Variants in CDH11 observed in about 807,000 individuals in gnomAD.
CDH11 encodes cadherin 11.
CDH11 carries 11 observed loss-of-function variants against 67.8 expected under a neutral mutation model. That is an observed-to-expected ratio of 0.16 (90% confidence interval 0.10 to 0.27). The LOEUF is 0.27. Ranked by LOEUF, CDH11 falls within the 10% of genes least tolerant of loss-of-function variation. CDH11 has a pLI of 1.00. For synonymous variants in CDH11, 419 were observed against 400.0 expected, an observed-to-expected ratio of 1.05 and a Z score of -0.57; for missense variants, 847 against 1,031.2, an observed-to-expected ratio of 0.82 and a Z score of 2.45.
intron 2 of CDH11, among the ~76,000 whole-genome samples, chr16:65,020,849 G>C (rs1241774894): frequency 1.3e-5 from 2 of 152,048 alleles, no homozygotes; most frequent in South Asian, 4.2e-4. Context: ...TCAGTTTTTA[G>C]GTTTTTCTTA....
rs150921898 is a variant in CDH11 at position 65,029,417 on chromosome 16, A to C, written c.-172-24376T>G. Among the ~76,000 whole-genome samples, 339 of 152,312 alleles carry C rather than the reference A, an allele frequency of 2.2e-3. 3 individuals are homozygous for C. Among genetic ancestry groups the C allele is most frequent in the African/African-American group, 7.5e-3 (311 of 41,566 alleles). On this transcript the variant is annotated intron_variant, in intron 2 of 12. Coordinates refer to ENST00000268603, the MANE Select transcript of CDH11 (RefSeq NM_001797.4). ...TCTTTCAAATAATTACAAATTAAAA[A>C]CTTGGCTCTGAGACTGAACTTTGAG...
rs182060476 is a variant in CDH11, at chr16:64,969,070, T to C, written c.1642+2509A>G. Among the ~76,000 whole-genome samples, 565 of 152,282 alleles carry C rather than the reference T, an allele frequency of 3.7e-3. 5 individuals are homozygous for C. The highest frequency in any genetic ancestry group is 0.013 in the African/African-American group (537 of 41,564). ...GTAGCTCAACAGTGGTATTAGTCTC[T>C]TATAGGAGAGGGCAGGGGAGATGAA... On this transcript the variant is annotated intron_variant, in intron 11 of 12. Coordinates refer to ENST00000268603, the MANE Select transcript of CDH11 (RefSeq NM_001797.4).
At chr16:65,111,609 T>C (rs1309458469) in intron 1 of CDH11, among the ~76,000 whole-genome samples, 3 of 150,668 alleles carry the variant, frequency 2.0e-5, no homozygotes, top group African/African-American at 7.3e-5. Flanking sequence ...TAGAAGGGAG[T>C]TCATAATCTA....
intron 2 of CDH11, among the ~76,000 whole-genome samples, chr16:65,030,105 G>T (rs2073612610): frequency 6.6e-6 from 1 of 152,130 alleles, no homozygotes; most frequent in Non-Finnish European, 1.5e-5. Context: ...GACTCAGGCA[G>T]CCTGGATAAT....
chr16:65,090,393 C>G (rs1597181187), intron 1 of CDH11, among the ~76,000 whole-genome samples: 1 of 152,088 alleles, frequency 6.6e-6, no homozygotes, highest in Non-Finnish European at 1.5e-5. Flanking sequence ...ACCACAGATA[C>G]CACTATCACC....
At chr16:64,989,480 C>A (rs1181998287) in intron 6 of CDH11, among the ~76,000 whole-genome samples, 1 of 152,082 alleles carries the variant, frequency 6.6e-6, no homozygotes, top group Non-Finnish European at 1.5e-5. Context: ...CTGAGGAAGA[C>A]AATGACGTGC....
chr16:65,032,658 A>G (rs2073667209), intron 2 of CDH11, among the ~76,000 whole-genome samples: 1 of 152,194 alleles, frequency 6.6e-6, no homozygotes, highest in South Asian at 2.1e-4. Flanking sequence ...CTCATTATAT[A>G]ACAGAGGTAG....
In CDH11 at chr16:64,945,569, G is replaced by A. The variant is rs1210822158; in HGVS notation, c.*2034C>T. ...GTGCAAATCTAGCAAAATATTCTTT[G>A]GATTACAAAAACTATATAAAAAAAT... On this transcript the variant is annotated 3_prime_UTR_variant, in exon 13 of 13. Coordinates refer to ENST00000268603, the MANE Select transcript of CDH11 (RefSeq NM_001797.4). The A allele has an allele frequency of 9.7e-7, 1 of 1,028,982 alleles. No individual in the cohort carries two copies. The highest frequency in any genetic ancestry group is 1.2e-6 in the Non-Finnish European group (1 of 855,864). The allele number at this position is 1,028,982 out of a possible 1,614,324, so 63.7% of individuals were successfully genotyped here. A position where few individuals can be genotyped will look rare whatever the true frequency, so the allele number is the denominator to read the frequency against.
intron 1 of CDH11, among the ~76,000 whole-genome samples, chr16:65,099,539 T>C (rs1202230218): frequency 1.3e-5 from 2 of 152,164 alleles, no homozygotes; most frequent in Non-Finnish European, 2.9e-5. Flanking sequence ...CTGATTTTAA[T>C]GATCTTAAGA....
intron 12 of CDH11, chr16:64,948,759 A>G: frequency 2.5e-6 from 4 of 1,601,732 alleles, no homozygotes; most frequent in Non-Finnish European, 3.4e-6. Flanking sequence ...CTTCCCTGGG[A>G]GAGGGGGGTT....
At chr16:65,023,555 T>C (rs1326282490) in intron 2 of CDH11, among the ~76,000 whole-genome samples, 1 of 152,214 alleles carries the variant, frequency 6.6e-6, no homozygotes, top group Non-Finnish European at 1.5e-5. Context: ...AAAGAGTGGC[T>C]ACTCCATAGG....
chr16:64,971,684 T>A lies in CDH11; in HGVS notation c.1537A>T (p.Ile513Phe). ...GTGTCATCCTTGTCATCTGCACTAA[T>A]TGTAACAATTGGCTGAAAGAGAAAG... The part of the protein sequence containing the change: ...KPLSNQPIVT[I>F]SADDKDDTAN... Residue 513 changes from isoleucine (I) to phenylalanine (F), a missense_variant, in exon 11 of 13, where the codon ATT becomes TTT. Ile to Phe is a conservative substitution (Grantham distance 21, BLOSUM62 0). Transcript: ENST00000268603. 6.2e-7 allele frequency: 1 copy of A among 1,608,042 alleles called. No individual in the cohort carries two copies. The highest frequency in any genetic ancestry group is 8.5e-7 in the Non-Finnish European group (1 of 1,174,802).
At chr16:65,099,142 A>G (rs1043904085) in intron 1 of CDH11, among the ~76,000 whole-genome samples, 4 of 152,150 alleles carry the variant, frequency 2.6e-5, no homozygotes, top group Non-Finnish European at 5.9e-5. Flanking sequence ...TCTGGAATCC[A>G]TTGTTACTGG....
At chr16:65,004,571 T>C in intron 3 of CDH11, 71 bp downstream of exon 3, 1 of 1,491,204 alleles carries the variant, frequency 6.7e-7, no homozygotes, top group South Asian at 1.3e-5. Flanking sequence ...GGCCTTTTGC[T>C]TCTTTCTGGC....
intron 1 of CDH11, among the ~76,000 whole-genome samples, chr16:65,080,759 T>C (rs2074596929): frequency 1.3e-5 from 2 of 152,234 alleles, no homozygotes; most frequent in Non-Finnish European, 2.9e-5. Context: ...CACAGATTTG[T>C]TCTTTAGTCA....
chr16:64,952,200 C>T (rs772044310), intron 11 of CDH11, among the ~76,000 whole-genome samples: 15 of 152,190 alleles, frequency 9.9e-5, no homozygotes, highest in Non-Finnish European at 1.9e-4. Context: ...CAAAAGTCAT[C>T]TCTTCAGGGA....
At chr16:64,994,687 A>G (rs1407600410) in intron 4 of CDH11, among the ~76,000 whole-genome samples, 2 of 152,238 alleles carry the variant, frequency 1.3e-5, no homozygotes, top group Non-Finnish European at 2.9e-5. Context: ...CCTATTCAAC[A>G]TAGTACTGGA....
In CDH11 at chr16:64,947,417, G is replaced by T; in HGVS notation, c.*186C>A. On this transcript the variant is annotated 3_prime_UTR_variant, in exon 13 of 13. Transcript: ENST00000268603. Reference sequence around the variant, plus strand: ...AACTTCAATATTTGCCTTTTTGTGAGAAAAGGTATTTCACAGTATTTACCA... The same window carrying T: ...AACTTCAATATTTGCCTTTTTGTGATAAAAGGTATTTCACAGTATTTACCA... The T allele has an allele frequency of 7.5e-7, 1 of 1,340,746 alleles. No homozygotes were observed. The highest frequency in any genetic ancestry group is 9.5e-7 in the Non-Finnish European group (1 of 1,047,244). The allele number at this position is 1,340,746 out of a possible 1,614,324, so 83.1% of individuals were successfully genotyped here.
intron 2 of CDH11, among the ~76,000 whole-genome samples, chr16:65,046,091 T>C (rs1273213861): frequency 1.3e-5 from 2 of 152,188 alleles, no homozygotes; most frequent in Non-Finnish European, 2.9e-5. Flanking sequence ...CCTTTCCATG[T>C]AACGCAGGGA....
Sources: allele counts gnomAD v4.1 joint callset (sites outside exome capture counted in the v4.1 genomes callset), GRCh38; gene constraint gnomAD v4.1.1; transcripts MANE v1.5; gene names NCBI Gene and HGNC (gene_info 2026-07-23, HGNC 2026-07-21).